Variants in ATP2B1 observed in about 807,000 individuals in gnomAD.
ATP2B1 encodes ATPase plasma membrane Ca2+ transporting 1, also known as plasma membrane calcium-transporting ATPase 1.
Under a neutral mutation model 124.2 loss-of-function variants are expected in ATP2B1, and 14 were observed. The observed-to-expected ratio is 0.11, with a 90% CI of 0.07 to 0.18. The LOEUF is 0.18. Ranked by LOEUF, ATP2B1 falls within the 10% of genes least tolerant of loss-of-function variation. The probability of loss-of-function intolerance (pLI) is 1.00; values close to 1 mark genes in which losing one functional copy is unlikely to be tolerated. For missense variants in ATP2B1, 763 were observed against 1,466.1 expected (o/e 0.52, Z 7.83); for synonymous variants, 449 against 492.4 (o/e 0.91, Z 1.17).
intron 13 of ATP2B1, 199 bp from the exon 14 acceptor site, chr12:89,610,707 T>G (rs1050113982): frequency 1.1e-4 from 59 of 522,352 alleles, no homozygotes; most frequent in Non-Finnish European, 1.2e-4. Context: ...GGCCCAGCAA[T>G]CTGTGTTTTA....
At chr12:89,696,319 T>G (rs950424004) in intron 1 of ATP2B1, among the ~76,000 whole-genome samples, 6 of 152,116 alleles carry the variant, frequency 3.9e-5, no homozygotes, top group African/African-American at 9.7e-5. Flanking sequence ...ACCAAAATCC[T>G]TTAAATACAG....
rs1359175542 is a variant in ATP2B1 at position 89,611,182 on chromosome 12, TA to T, written c.2247+10del. 2.5e-6 allele frequency: 4 copies of T among 1,570,704 alleles called. No individual in the cohort carries two copies. Among genetic ancestry groups the T allele is most frequent in the Non-Finnish European group, 3.4e-6 (4 of 1,165,774 alleles). ...CTGTCAACCAAAAACAAAATAATAA[TA>T]AATCTTTACCTCTCCTTTTTCATTT... On this transcript the variant is annotated intron_variant, in intron 13 of 20. Coordinates refer to ENST00000428670, the MANE Select transcript of ATP2B1 (RefSeq NM_001366521.1).
chr12:89,644,563 T>A (rs1165555264), intron 2 of ATP2B1, among the ~76,000 whole-genome samples: 1 of 151,374 alleles, frequency 6.6e-6, no homozygotes, highest in Non-Finnish European at 1.5e-5. Context: ...AAAAGACTTA[T>A]CAGTTGAAAG....
chr12:89,633,437 T>C (rs901576663), intron 5 of ATP2B1, among the ~76,000 whole-genome samples: 3 of 151,870 alleles, frequency 2.0e-5, no homozygotes, highest in African/African-American at 7.3e-5. Context: ...TATCTCCTAA[T>C]GTTCTAAGTG....
chr12:89,627,148 TAA>T (rs1200431234), intron 7 of ATP2B1, among the ~76,000 whole-genome samples: 2 of 152,140 alleles, frequency 1.3e-5, no homozygotes, highest in African/African-American at 2.4e-5. Flanking sequence ...TCCGAAAATC[TAA>T]AATACCTCAA....
chr12:89,678,993 A>C (rs929830409), intron 1 of ATP2B1, among the ~76,000 whole-genome samples: 10 of 152,032 alleles, frequency 6.6e-5, no homozygotes, highest in African/African-American at 2.4e-4. Flanking sequence ...TGTTACTTCT[A>C]TGTTTTCTAG....
chr12:89,683,955 T>C (rs1292078789), intron 1 of ATP2B1, among the ~76,000 whole-genome samples: 3 of 152,154 alleles, frequency 2.0e-5, no homozygotes, highest in Non-Finnish European at 4.4e-5. Context: ...TTGAATATCC[T>C]AACGTTTGGA....
Position 89,603,352 on chromosome 12 carries a change from T to G in ATP2B1, c.2849-98A>C. ...ACTTAGCTAGACCTTTTATTTGATC[T>G]GAAATGGCAGCATGGAAGGAGCTAG... On this transcript the variant is annotated intron_variant, in intron 17 of 20. Coordinates refer to ENST00000428670, the MANE Select transcript of ATP2B1 (RefSeq NM_001366521.1). This position sits in a 1 kb window ranked among gnomAD's most constrained non-coding sequence, Gnocchi z 4.3. The G allele has an allele frequency of 2.0e-6, 2 of 1,006,950 alleles. No homozygotes were observed. The highest frequency in any genetic ancestry group is 1.4e-6 in the Non-Finnish European group (1 of 706,086). 62.4% of individuals were successfully genotyped at this position (1,006,950 alleles called of 1,614,324 possible). A position where few individuals can be genotyped will look rare whatever the true frequency, so the allele number is the denominator to read the frequency against.
chr12:89,660,587 GA>G (rs1186587907), intron 1 of ATP2B1, among the ~76,000 whole-genome samples: 1 of 152,168 alleles, frequency 6.6e-6, no homozygotes, highest in African/African-American at 2.4e-5. Context: ...GGAGGTAACA[GA>G]TCTATTTTAC....
At position 89,642,586 on chromosome 12, in the gene ATP2B1, A is replaced by C. The variant is rs569299202; in HGVS notation, c.209-231T>G. On this transcript the variant is annotated intron_variant, in intron 2 of 20. Coordinates refer to ENST00000428670, the MANE Select transcript of ATP2B1 (RefSeq NM_001366521.1). ...AGAATTTTCACTTTCCCAACTGCTT[A>C]GTTTTGTTTTTTGTTTTTTATTTTG... Among the ~76,000 whole-genome samples, 14 of 152,096 alleles carry C rather than the reference A, an allele frequency of 9.2e-5. No homozygotes were observed. In the South Asian group the frequency reaches 2.9e-3, roughly 32 times the overall value.
At position 89,658,659 on chromosome 12, in the gene ATP2B1, A is replaced by AT. The variant is rs1214528227; in HGVS notation, c.-221-2553dup. ...AGAGAGAGAGAGAGATAGAGATAGC[A>AT]TGTGGCTGTCAATCCTGGACATCAA... is the stretch of plus-strand genomic sequence containing the variant. On this transcript the variant is annotated intron_variant, in intron 1 of 20. Transcript: ENST00000428670. 6.4e-5 allele frequency among the ~76,000 whole-genome samples: 5 copies of AT among 78,072 alleles called. No homozygotes were observed. In the East Asian group the frequency reaches 2.4e-3, roughly 37 times the overall value. 51.2% of individuals were successfully genotyped at this position (78,072 alleles called of 152,430 possible).
intron 1 of ATP2B1, among the ~76,000 whole-genome samples, chr12:89,706,605 T>C (rs984766522): frequency 1.1e-4 from 17 of 152,230 alleles, no homozygotes; most frequent in Admixed American, 8.5e-4. Context: ...TCCCATACAA[T>C]TGCAGAAATT....
At chr12:89,653,169 A>G (rs966852678) in intron 2 of ATP2B1, among the ~76,000 whole-genome samples, 2 of 152,258 alleles carry the variant, frequency 1.3e-5, no homozygotes, top group African/African-American at 4.8e-5. Flanking sequence ...AGTAAATATT[A>G]AATTCACAAT....
intron 2 of ATP2B1, among the ~76,000 whole-genome samples, chr12:89,646,316 A>G (rs934148148): frequency 3.3e-5 from 5 of 152,164 alleles, no homozygotes; most frequent in African/African-American, 1.2e-4. Context: ...TCATCAATAT[A>G]CAGATGATTC....
chr12:89,641,893 T>C (rs375726259), intron 3 of ATP2B1: 20 of 348,908 alleles, frequency 5.7e-5, no homozygotes, highest in African/African-American at 3.6e-4. Flanking sequence ...GTCATATACA[T>C]GGCATAGGTC....
At chr12:89,697,846 C>T (rs965479471) in intron 1 of ATP2B1, among the ~76,000 whole-genome samples, 5 of 151,900 alleles carry the variant, frequency 3.3e-5, no homozygotes, top group Admixed American at 1.3e-4. Flanking sequence ...AAAGCTACCG[C>T]TTGCTTTTTC....
At chr12:89,698,764 A>G (rs889109754) in intron 1 of ATP2B1, among the ~76,000 whole-genome samples, 1 of 152,198 alleles carries the variant, frequency 6.6e-6, no homozygotes, top group African/African-American at 2.4e-5. Context: ...AGACACAGCC[A>G]ATGTCCGATT....
At chr12:89,701,474 A>C (rs1010920255) in intron 1 of ATP2B1, among the ~76,000 whole-genome samples, 4 of 152,168 alleles carry the variant, frequency 2.6e-5, no homozygotes, top group Non-Finnish European at 5.9e-5. Flanking sequence ...TTGGTTTAGG[A>C]TTTAGACATT....
At chr12:89,607,234 G>A (rs1284686070) in intron 15 of ATP2B1, among the ~76,000 whole-genome samples, 1 of 152,078 alleles carries the variant, frequency 6.6e-6, no homozygotes, top group Non-Finnish European at 1.5e-5. Context: ...TTTTAATGTG[G>A]CCCCCTGTGA....
Sources: gnomAD v4.1 joint callset for allele counts (sites outside exome capture counted in the v4.1 genomes callset) on GRCh38, gnomAD v4.1.1 for gene constraint, Gnocchi (gnomAD v3.1) non-coding constraint, MANE v1.5 for transcripts, NCBI Gene and HGNC (gene_info 2026-07-23, HGNC 2026-07-21) for gene names.